Variants in TMEM200A observed in about 807,000 individuals in gnomAD.
TMEM200A encodes transmembrane protein 200A.
TMEM200A carries 12 observed loss-of-function variants against 24.3 expected under a neutral mutation model. The observed-to-expected ratio is 0.49, with a 90% CI of 0.32 to 0.80. TMEM200A has a LOEUF of 0.80. Ranked by LOEUF, TMEM200A falls within the 30% of genes least tolerant of loss-of-function variation. The pLI is 0.04. For missense variants in TMEM200A, 545 were observed against 614.4 expected (o/e 0.89, Z 1.19); for synonymous variants, 224 against 224.4 (o/e 1.00, Z 0.02).
At chr6:130,399,070 GT>G (rs996626915) in intron 2 of TMEM200A, among the ~76,000 whole-genome samples, 1 of 151,920 alleles carries the variant, frequency 6.6e-6, no homozygotes, top group African/African-American at 2.4e-5. Flanking sequence ...TGCAGGTATT[GT>G]TAATGGTTCC....
At chr6:130,371,841 C>T (rs182724036) in intron 1 of TMEM200A, among the ~76,000 whole-genome samples, 1 of 152,188 alleles carries the variant, frequency 6.6e-6, no homozygotes, top group East Asian at 1.9e-4. Flanking sequence ...AAATATCCTT[C>T]CTGGTGTAAG....
chr6:130,375,419 G>C (rs554163160), intron 1 of TMEM200A, among the ~76,000 whole-genome samples: 2 of 152,300 alleles, frequency 1.3e-5, no homozygotes, highest in East Asian at 1.9e-4. Flanking sequence ...ATTAATAAAG[G>C]ATTCATTAAA....
At chr6:130,408,459 G>C (rs912685635) in intron 2 of TMEM200A, among the ~76,000 whole-genome samples, 6 of 152,176 alleles carry the variant, frequency 3.9e-5, no homozygotes, top group Non-Finnish European at 7.3e-5. Context: ...GGCCCCAGAG[G>C]CCTGAATGGA....
chr6:130,426,904 T>G (rs1779757410), intron 2 of TMEM200A, among the ~76,000 whole-genome samples: 2 of 152,228 alleles, frequency 1.3e-5, no homozygotes, highest in Non-Finnish European at 1.5e-5. Context: ...TTACACCCAG[T>G]AGATTCAGGT....
At position 130,404,135 on chromosome 6, in the gene TMEM200A, A is replaced by G. The variant is rs957405099; in HGVS notation, c.-17+18899A>G. ...TTGTGAATACTGCTGCAATGAACAT[A>G]ATACATGTGCAAGTGTCTTTATAAT... On this transcript the variant is annotated intron_variant, in intron 2 of 2. Transcript: ENST00000296978. 4.6e-5 allele frequency among the ~76,000 whole-genome samples: 7 copies of G among 152,156 alleles called. No individual in the cohort carries two copies. In the East Asian group the frequency reaches 9.6e-4, roughly 21 times the overall value.
chr6:130,396,399 A>G (rs770760034), intron 2 of TMEM200A, among the ~76,000 whole-genome samples: 31 of 150,208 alleles, frequency 2.1e-4, no homozygotes, highest in Non-Finnish European at 3.2e-4. Flanking sequence ...AATATTTTCA[A>G]TTGGTGAGAT....
chr6:130,419,150 T>C, intron 2 of TMEM200A, among the ~76,000 whole-genome samples: 1 of 152,162 alleles, frequency 6.6e-6, no homozygotes, highest in East Asian at 1.9e-4. Context: ...AGCTCCCACA[T>C]ATGAGTGATA....
chr6:130,407,128 G>A (rs1241074048), intron 2 of TMEM200A, among the ~76,000 whole-genome samples: 1 of 152,080 alleles, frequency 6.6e-6, no homozygotes, highest in East Asian at 1.9e-4. Flanking sequence ...TTGTATTCTG[G>A]AAGTCTTGTG....
Position 130,441,406 on chromosome 6 carries a change from G to T in TMEM200A, c.984G>T (p.Val328=). 6.2e-7 allele frequency: 1 copy of T among 1,614,052 alleles called. No individual in the cohort carries two copies. Among genetic ancestry groups the T allele is most frequent in the African/African-American group, 1.3e-5 (1 of 75,030 alleles). Residue 328 remains valine (V), a synonymous_variant, in exon 3 of 3, where the codon GTG becomes GTT. Transcript: ENST00000296978. ...GGAATTTGTCAATGGATTCCCTTGT[G>T]GTTCCTTTGCCCAACACCAGTGAAT... ...RSRNLSMDSL[V]VPLPNTSESF...
chr6:130,425,936 T>C (rs1317151963), intron 2 of TMEM200A, among the ~76,000 whole-genome samples: 2 of 152,050 alleles, frequency 1.3e-5, no homozygotes, highest in African/African-American at 4.8e-5. Context: ...GATCAAGAAA[T>C]GTAAACAAAT....
chr6:130,407,810 T>C (rs1374796879), intron 2 of TMEM200A, among the ~76,000 whole-genome samples: 1 of 152,206 alleles, frequency 6.6e-6, no homozygotes, highest in Admixed American at 6.5e-5. Context: ...AGCCTGACTC[T>C]CACAAACTTT....
At position 130,380,344 on chromosome 6, in the gene TMEM200A, T is replaced by C. The variant is rs142477338; in HGVS notation, c.-80-4829T>C. 4.3e-3 allele frequency among the ~76,000 whole-genome samples: 654 copies of C among 152,338 alleles called. 7 individuals are homozygous for C. Among genetic ancestry groups the C allele is most frequent in the African/African-American group, 0.015 (610 of 41,558 alleles). ...TAGGTCTTTAAACTTTTTTAAAGCA[T>C]CTGCAGGCTTACTGCTAAGTGATAT... is the stretch of plus-strand genomic sequence containing the variant. On this transcript the variant is annotated intron_variant, in intron 1 of 2. Coordinates refer to ENST00000296978, the MANE Select transcript of TMEM200A (RefSeq NM_001258277.2).
rs1163303493 is a variant in TMEM200A at position 130,443,061 on chromosome 6, C to T, written c.*1163C>T. ...TAAATATTAAAATGGATGTTTTCAT[C>T]AGAAAATTTTCATGTTTTCCTTTAA... On this transcript the variant is annotated 3_prime_UTR_variant, in exon 3 of 3. Transcript: ENST00000296978. The T allele has an allele frequency of 6.0e-6, 1 of 166,374 alleles. No homozygotes were observed. The highest frequency in any genetic ancestry group is 1.5e-5 in the Non-Finnish European group (1 of 68,074). 10.3% of individuals were successfully genotyped at this position (166,374 alleles called of 1,614,324 possible). A position where few individuals can be genotyped will look rare whatever the true frequency, so the allele number is the denominator to read the frequency against.
At chr6:130,404,646 C>G (rs902913718) in intron 2 of TMEM200A, among the ~76,000 whole-genome samples, 2 of 152,122 alleles carry the variant, frequency 1.3e-5, no homozygotes, top group African/African-American at 4.8e-5. Flanking sequence ...ATGATAGTTT[C>G]TTCTGCTGTG....
rs1378190299 is a variant in TMEM200A at position 130,440,651 on chromosome 6, G to A, written c.229G>A (p.Ala77Thr). The A allele has an allele frequency of 1.2e-6, 2 of 1,613,796 alleles. No individual in the cohort carries two copies. Among genetic ancestry groups the A allele is most frequent in the Admixed American group, 1.7e-5 (1 of 60,016 alleles). The change falls in exon 3 of 3, where the codon GCT (alanine) becomes ACT (threonine). Residue 77 changes from alanine (A) to threonine (T), a missense_variant. Transcript: ENST00000296978. Reference protein sequence around the residue: ...LGVLISIIGIAMAVLGYWPQK... With the variant: ...LGVLISIIGITMAVLGYWPQK... Reference sequence around the variant, plus strand: ...AGTGCTCATCTCCATTATAGGAATTGCTATGGCCGTTCTTGGATATTGGCC... The same window carrying A: ...AGTGCTCATCTCCATTATAGGAATTACTATGGCCGTTCTTGGATATTGGCC...
Position 130,379,898 on chromosome 6 carries a change from A to C in TMEM200A, c.-80-5275A>C, listed in dbSNP as rs1167996860. Among the ~76,000 whole-genome samples the C allele has an allele frequency of 2.0e-5, 3 of 152,332 alleles. No individual in the cohort carries two copies. In the East Asian group the frequency reaches 5.8e-4, roughly 29 times the overall value. On this transcript the variant is annotated intron_variant, in intron 1 of 2. Coordinates refer to ENST00000296978, the MANE Select transcript of TMEM200A (RefSeq NM_001258277.2). Reference sequence around the variant, plus strand: ...AGGAACAAGCTTTGGGAATTTCTACATTTCAGGGTGGATAGAGAGCATACC... The same window carrying C: ...AGGAACAAGCTTTGGGAATTTCTACCTTTCAGGGTGGATAGAGAGCATACC...
At chr6:130,365,740 A>G, upstream of TMEM200A, 1 of 985,356 alleles carries the variant, frequency 1.0e-6, no homozygotes, top group Non-Finnish European at 1.2e-6. Context: ...GTTCCCAAAG[A>G]TGGGTTTTGT....
chr6:130,386,063 T>C (rs550111922), intron 2 of TMEM200A, among the ~76,000 whole-genome samples: 1 of 152,232 alleles, frequency 6.6e-6, no homozygotes, highest in Non-Finnish European at 1.5e-5. Flanking sequence ...GTGTGTAACT[T>C]GGTTTATAAA....
chr6:130,439,245 C>T (rs1780096103), intron 2 of TMEM200A: 1 of 152,012 alleles, frequency 6.6e-6, no homozygotes, highest in South Asian at 2.1e-4. Flanking sequence ...AGGGGGTTAT[C>T]ATATGGTCTA....
Sources: allele counts gnomAD v4.1 joint callset (sites outside exome capture counted in the v4.1 genomes callset), GRCh38; gene constraint gnomAD v4.1.1; transcripts MANE v1.5; gene names NCBI Gene and HGNC (gene_info 2026-07-23, HGNC 2026-07-21).